Variants in DLGAP2 observed in about 807,000 individuals in gnomAD.
DLGAP2 encodes the protein DLG associated protein 2, also known as disks large-associated protein 2.
In DLGAP2, 26 loss-of-function variants were observed where a neutral mutation model predicts 100.3. The observed-to-expected ratio is 0.26, with a 90% CI of 0.19 to 0.36. The LOEUF is 0.36. Among genes scored for constraint, DLGAP2 ranks in the 10% least tolerant of loss-of-function variants. The pLI is 1.00. For synonymous variants in DLGAP2, 886 were observed against 630.1 expected, an observed-to-expected ratio of 1.41 and a Z score of -6.08; for missense variants, 1,858 against 1,453.2, an observed-to-expected ratio of 1.28 and a Z score of -4.53.
intron 3 of DLGAP2, among the ~76,000 whole-genome samples, chr8:1,494,181 C>T (rs1194154071): frequency 6.6e-6 from 1 of 152,238 alleles, no homozygotes; most frequent in African/African-American, 2.4e-5. Context: ...ACTATTGTTT[C>T]CTTTTCCATC....
chr8:1,510,016 G>A (rs944571413), intron 4 of DLGAP2, among the ~76,000 whole-genome samples: 6 of 152,188 alleles, frequency 3.9e-5, no homozygotes, highest in Non-Finnish European at 5.9e-5. Flanking sequence ...TGATTTCCAT[G>A]ACAACTAATT....
At chr8:953,784 T>A (rs1182253361) in intron 2 of DLGAP2, among the ~76,000 whole-genome samples, 1 of 151,142 alleles carries the variant, frequency 6.6e-6, no homozygotes, top group African/African-American at 2.5e-5. Context: ...GTGCTTCCGT[T>A]TAAGACAGTC....
chr8:1,227,174 AGT>A (rs1491155191), intron 2 of DLGAP2, among the ~76,000 whole-genome samples: 6 of 65,156 alleles, frequency 9.2e-5, no homozygotes, highest in Admixed American at 3.0e-4. Flanking sequence ...ATATATATAT[AGT>A]ATAGATATAT....
intron 4 of DLGAP2, 141 bp from the exon 5 acceptor site, chr8:1,548,481 AAAAC>A (rs1488663381): frequency 5.4e-6 from 3 of 559,298 alleles, no homozygotes; most frequent in African/African-American, 4.0e-5. Context: ...AAAAAAAAAA[AAAAC>A]CCACAAATCT....
intron 1 of DLGAP2, among the ~76,000 whole-genome samples, chr8:747,452 A>C (rs1820652674): frequency 1.3e-5 from 2 of 150,734 alleles, no homozygotes; most frequent in African/African-American, 4.9e-5. Flanking sequence ...TGGCTGATGA[A>C]AAGCAAGGCG....
At chr8:1,316,843 G>A (rs1163463323) in intron 3 of DLGAP2, among the ~76,000 whole-genome samples, 6 of 143,310 alleles carry the variant, frequency 4.2e-5, no homozygotes, top group African/African-American at 1.1e-4. Context: ...CGAGTGCAGC[G>A]TCTCTCCCAC....
intron 1 of DLGAP2, among the ~76,000 whole-genome samples, chr8:803,922 A>G (rs945956688): frequency 6.6e-6 from 1 of 152,222 alleles, no homozygotes; most frequent in East Asian, 1.9e-4. Context: ...ATTTGGAGTC[A>G]GATTATGGAT....
chr8:1,515,363 A>C (rs1800331878), intron 4 of DLGAP2, among the ~76,000 whole-genome samples: 1 of 152,352 alleles, frequency 6.6e-6, no homozygotes, highest in African/African-American at 2.4e-5. Context: ...CAGACAGGGC[A>C]GTCAGCATAC....
chr8:1,519,258 C>A (rs1343183069), intron 4 of DLGAP2, among the ~76,000 whole-genome samples: 2 of 152,062 alleles, frequency 1.3e-5, no homozygotes, highest in Non-Finnish European at 2.9e-5. Context: ...AGCGGCATGT[C>A]CCATCCTACG....
chr8:1,124,344 G>A (rs1381589652), intron 2 of DLGAP2, among the ~76,000 whole-genome samples: 3 of 152,126 alleles, frequency 2.0e-5, no homozygotes, highest in Non-Finnish European at 1.5e-5. Context: ...GTTACCTGTG[G>A]CCCAGACTCC....
chr8:1,001,005 T>A (rs767675531), intron 2 of DLGAP2, among the ~76,000 whole-genome samples: 2 of 152,192 alleles, frequency 1.3e-5, no homozygotes, highest in African/African-American at 4.8e-5. Context: ...GCTGTGCCAT[T>A]TAAAATCAGG....
At position 1,539,834 on chromosome 8, in the gene DLGAP2, C is replaced by T. The variant is rs566905098; in HGVS notation, c.173-8792C>T. ...GGACACAGCTGTGCCATGAGCACCA[C>T]GGCCCGTGTCCTTGTAGGGCCTCCC... On this transcript the variant is annotated intron_variant, in intron 4 of 14. Coordinates refer to ENST00000637795, the MANE Select transcript of DLGAP2 (RefSeq NM_001346810.2). Among the ~76,000 whole-genome samples, 16 of 152,280 alleles carry T rather than the reference C, an allele frequency of 1.1e-4. 1 individual carries two copies. In the South Asian group the frequency reaches 2.7e-3, roughly 26 times the overall value.
chr8:1,187,089 G>C (rs1797521749), intron 2 of DLGAP2, among the ~76,000 whole-genome samples: 1 of 151,388 alleles, frequency 6.6e-6, no homozygotes, highest in African/African-American at 2.4e-5. Flanking sequence ...GCTTGGAGAT[G>C]CATCAATACG....
chr8:1,023,923 A>C (rs1012469164), intron 2 of DLGAP2, among the ~76,000 whole-genome samples: 2 of 132,942 alleles, frequency 1.5e-5, no homozygotes, highest in African/African-American at 5.4e-5. Flanking sequence ...ATGCTCTGCA[A>C]AATCCCGGCT....
chr8:849,202 T>C (rs527888149), intron 1 of DLGAP2, among the ~76,000 whole-genome samples: 1 of 152,146 alleles, frequency 6.6e-6, no homozygotes, highest in African/African-American at 2.4e-5. Context: ...GTGGTGCATG[T>C]TCCAGTATAG....
At chr8:1,132,734 T>C (rs1047960067) in intron 2 of DLGAP2, among the ~76,000 whole-genome samples, 2 of 152,024 alleles carry the variant, frequency 1.3e-5, no homozygotes, top group African/African-American at 2.4e-5. Context: ...TTTTTAAAGG[T>C]AGGGTTGCAG....
chr8:1,292,164 G>C (rs7463557), intron 3 of DLGAP2, among the ~76,000 whole-genome samples: 53 of 152,262 alleles, frequency 3.5e-4, no homozygotes, highest in South Asian at 8.3e-4. Context: ...GCTGGCTTTG[G>C]GGGGAAGCAT....
chr8:1,342,237 G>A (rs940413542), intron 3 of DLGAP2, among the ~76,000 whole-genome samples: 3 of 152,012 alleles, frequency 2.0e-5, no homozygotes, highest in African/African-American at 7.3e-5. Context: ...GTGAGCCACC[G>A]CACCTGGCCA....
At chr8:1,258,517 G>A (rs1799276178) in intron 2 of DLGAP2, among the ~76,000 whole-genome samples, 1 of 152,094 alleles carries the variant, frequency 6.6e-6, no homozygotes. Flanking sequence ...ATGGATTGAT[G>A]GTTGCAGCAA....
Sources: allele counts gnomAD v4.1 joint callset (sites outside exome capture counted in the v4.1 genomes callset), GRCh38; gene constraint gnomAD v4.1.1; transcripts MANE v1.5; gene names NCBI Gene and HGNC (gene_info 2026-07-23, HGNC 2026-07-21).